Variants in SYT14 observed in about 807,000 individuals in gnomAD.
The protein encoded by SYT14 is synaptotagmin 14.
Under a neutral mutation model 74.2 loss-of-function variants are expected in SYT14, and 32 were observed. The ratio of observed to expected loss-of-function variants is 0.43; its 90% CI spans 0.33 to 0.58. The LOEUF (loss-of-function observed/expected upper bound fraction) is 0.58, where lower values mean the gene tolerates loss of function less well. SYT14 is among the 20% of genes least tolerant of loss of function. SYT14 has a pLI of 0.05. For missense variants in SYT14, 791 were observed against 981.8 expected, an observed-to-expected ratio of 0.81 and a Z score of 2.60; for synonymous variants, 298 against 337.7, an observed-to-expected ratio of 0.88 and a Z score of 1.29.
chr1:210,050,425 T>C (rs1380595533), intron 5 of SYT14, among the ~76,000 whole-genome samples: 3 of 152,220 alleles, frequency 2.0e-5, no homozygotes, highest in Non-Finnish European at 4.4e-5. Flanking sequence ...TTCCAAACTT[T>C]CCCACATTTT....
intron 2 of SYT14, among the ~76,000 whole-genome samples, chr1:210,001,645 C>A (rs1245868834): frequency 6.6e-6 from 1 of 151,800 alleles, no homozygotes; most frequent in Non-Finnish European, 1.5e-5. Flanking sequence ...ATAAGAGATA[C>A]AAAAAATAAG....
At chr1:210,144,091 T>C (rs1488241076) in intron 7 of SYT14, among the ~76,000 whole-genome samples, 1 of 152,188 alleles carries the variant, frequency 6.6e-6, no homozygotes, top group Non-Finnish European at 1.5e-5. Flanking sequence ...CCTACAGTTA[T>C]GCAATTGCTG....
Position 210,016,717 on chromosome 1 carries a change from TC to T in SYT14, c.715del (p.Gln239LysfsTer16), listed in dbSNP as rs2080191209. ...CTCGACATGTATATTTGGGAAGAGA[TC>T]AAGAGAATATGGGGCATTTCAATAA... On this transcript the variant is annotated frameshift_variant, in exon 4 of 10. Transcript: ENST00000637265. LOFTEE classifies it high-confidence loss of function. The T allele has an allele frequency of 8.1e-7, 1 of 1,231,756 alleles. No homozygotes were observed. The highest frequency in any genetic ancestry group is 1.6e-5 in the African/African-American group (1 of 64,492). The allele number at this position is 1,231,756 out of a possible 1,614,324, so 76.3% of individuals were successfully genotyped here. A position where few individuals can be genotyped will look rare whatever the true frequency, so the allele number is the denominator to read the frequency against.
chr1:210,110,059 T>G (rs528051880), intron 7 of SYT14, among the ~76,000 whole-genome samples: 1 of 151,660 alleles, frequency 6.6e-6, no homozygotes, highest in South Asian at 2.1e-4. Context: ...TAAGTGGGAG[T>G]TGAACAGTGA....
At chr1:210,103,773 C>G (rs1262169979) in intron 7 of SYT14, among the ~76,000 whole-genome samples, 1 of 152,080 alleles carries the variant, frequency 6.6e-6, no homozygotes, top group African/African-American at 2.4e-5. Context: ...CTATCCATCT[C>G]TGATATTGTC....
intron 7 of SYT14, among the ~76,000 whole-genome samples, chr1:210,139,024 G>A (rs1223096487): frequency 3.3e-5 from 5 of 151,654 alleles, no homozygotes; most frequent in African/African-American, 4.8e-5. Context: ...CTAATACAAT[G>A]CTATACTTAC....
intron 7 of SYT14, among the ~76,000 whole-genome samples, chr1:210,146,927 A>G (rs2083051473): frequency 6.6e-6 from 1 of 151,892 alleles, no homozygotes; most frequent in African/African-American, 2.4e-5. Flanking sequence ...CCTTAAAAGA[A>G]ATCCTATTTT....
chr1:210,047,989 G>A (rs980603850), intron 5 of SYT14, among the ~76,000 whole-genome samples: 2 of 152,116 alleles, frequency 1.3e-5, no homozygotes, highest in African/African-American at 2.4e-5. Flanking sequence ...GTGGTGTGGT[G>A]TCCACTAGAT....
At chr1:209,966,758 C>T (rs144459049) in intron 2 of SYT14, among the ~76,000 whole-genome samples, 13 of 152,198 alleles carry the variant, frequency 8.5e-5, no homozygotes, top group African/African-American at 2.6e-4. Flanking sequence ...CGTAGATGAC[C>T]GTGTCTATGA....
intron 1 of SYT14, among the ~76,000 whole-genome samples, chr1:209,944,513 T>G (rs949143893): frequency 2.0e-5 from 3 of 152,224 alleles, no homozygotes; most frequent in African/African-American, 7.2e-5. Context: ...GAGATATTGT[T>G]GTCAATAAGA....
At chr1:209,983,984 GT>G (rs913627743) in intron 2 of SYT14, among the ~76,000 whole-genome samples, 2 of 151,978 alleles carry the variant, frequency 1.3e-5, no homozygotes, top group African/African-American at 4.8e-5. Flanking sequence ...TATATCTGTG[GT>G]CAGACAAGGA....
Position 210,161,320 on chromosome 1 carries a change from GTTAATT to G in SYT14, c.*286_*291del, listed in dbSNP as rs141331142. On this transcript the variant is annotated 3_prime_UTR_variant, in exon 10 of 10. Transcript: ENST00000637265. ...TTTAATAAGATGTTTTTGATTTGAA[GTTAATT>G]TTAATTTAGCAAAAGAGCCAGTCAT... 0.29 allele frequency: 154,100 copies of G among 536,752 alleles called. 24,401 individuals are homozygous for G. Among genetic ancestry groups the G allele is most frequent in the East Asian group, 0.43 (9,433 of 21,806 alleles). The allele number at this position is 536,752 out of a possible 1,614,324, so 33.2% of individuals were successfully genotyped here.
At chr1:210,164,209 A>G (rs1302847110) in exon 10 of SYT14, 17 of 339,858 alleles carry the variant, frequency 5.0e-5, no homozygotes, top group Non-Finnish European at 1.2e-5. Context: ...ATCCATTTGC[A>G]TATTATCTTA....
chr1:210,106,649 C>A (rs553956790), intron 7 of SYT14, among the ~76,000 whole-genome samples: 10 of 152,098 alleles, frequency 6.6e-5, no homozygotes, highest in African/African-American at 2.4e-4. Context: ...CTTATGAGAA[C>A]AGCATAAGGG....
intron 8 of SYT14, 83 bp from the exon 8 acceptor site, chr1:210,159,338 A>T: frequency 7.6e-7 from 1 of 1,322,882 alleles, no homozygotes; most frequent in Non-Finnish European, 1.1e-6. Context: ...TTTCCTCTTT[A>T]ATTCTAACCT....
At chr1:209,973,262 C>G (rs2079291762) in intron 2 of SYT14, among the ~76,000 whole-genome samples, 1 of 151,638 alleles carries the variant, frequency 6.6e-6, no homozygotes, top group Non-Finnish European at 1.5e-5. Flanking sequence ...GCACAACGTG[C>G]AGGTTAGTTA....
chr1:209,947,224 A>G (rs1442327200), intron 1 of SYT14, among the ~76,000 whole-genome samples: 1 of 152,178 alleles, frequency 6.6e-6, no homozygotes, highest in Non-Finnish European at 1.5e-5. Context: ...ATTAATTAAG[A>G]CTTTCAAGCT....
intron 5 of SYT14, among the ~76,000 whole-genome samples, chr1:210,049,265 C>T (rs1181863227): frequency 6.6e-6 from 1 of 152,196 alleles, no homozygotes; most frequent in Non-Finnish European, 1.5e-5. Context: ...CCACATTTTC[C>T]TTCTGCCCTG....
intron 1 of SYT14, among the ~76,000 whole-genome samples, chr1:209,947,795 A>G (rs915550347): frequency 9.2e-5 from 14 of 152,222 alleles, no homozygotes; most frequent in African/African-American, 2.9e-4. Flanking sequence ...GAAATCTTCC[A>G]TGAAAGAAAG....
Sources: gnomAD v4.1 joint callset for allele counts (sites outside exome capture counted in the v4.1 genomes callset) on GRCh38, gnomAD v4.1.1 for gene constraint, MANE v1.5 for transcripts, NCBI Gene and HGNC (gene_info 2026-07-23, HGNC 2026-07-21) for gene names.